Variants in CTNNBL1 observed in about 807,000 individuals in gnomAD.
CTNNBL1 encodes beta-catenin-like protein 1.
A neutral mutation model predicts 72.7 loss-of-function variants in CTNNBL1; 31 were observed. The observed-to-expected ratio is 0.43, with a 90% CI of 0.32 to 0.58. The LOEUF is 0.58. CTNNBL1 is among the 20% of genes least tolerant of loss of function. The probability of loss-of-function intolerance (pLI) is 0.08; values close to 1 mark genes in which losing one functional copy is unlikely to be tolerated. For synonymous variants in CTNNBL1, 240 were observed against 267.3 expected (o/e 0.90, Z 1.00); for missense variants, 534 against 725.1 (o/e 0.74, Z 3.03).
intron 10 of CTNNBL1, among the ~76,000 whole-genome samples, 192 bp downstream of exon 10, chr20:37,779,527 G>A (rs1381915165): frequency 1.3e-5 from 2 of 152,076 alleles, no homozygotes; most frequent in Non-Finnish European, 2.9e-5. Context: ...TAGAGTAGAT[G>A]AATAAAAAGT....
intron 7 of CTNNBL1, among the ~76,000 whole-genome samples, chr20:37,774,365 G>T (rs1027970319): frequency 4.6e-5 from 7 of 152,094 alleles, no homozygotes; most frequent in African/African-American, 1.7e-4. Flanking sequence ...TTGGGCCTTG[G>T]CATCTTTGAA....
chr20:37,697,980 C>T (rs1469157742), intron 1 of CTNNBL1, among the ~76,000 whole-genome samples: 2 of 152,128 alleles, frequency 1.3e-5, no homozygotes, highest in Admixed American at 6.5e-5. Flanking sequence ...ACCCCTTTCC[C>T]CCTCACCAAG....
chr20:37,728,972 C>T (rs1387248993), intron 1 of CTNNBL1, among the ~76,000 whole-genome samples: 3 of 152,230 alleles, frequency 2.0e-5, no homozygotes, highest in African/African-American at 7.2e-5. Flanking sequence ...CTATTTATCC[C>T]TGTGTCCCTA....
intron 15 of CTNNBL1, among the ~76,000 whole-genome samples, chr20:37,864,183 A>C: frequency 6.6e-6 from 1 of 151,068 alleles, no homozygotes; most frequent in African/African-American, 2.5e-5. Flanking sequence ...TCTCCTTTTC[A>C]TACCACGCCC....
chr20:37,757,466 A>T, intron 4 of CTNNBL1, 93 bp from the exon 5 acceptor site: 1 of 799,412 alleles, frequency 1.3e-6, no homozygotes, highest in Non-Finnish European at 2.1e-6. Flanking sequence ...AGATGGTGAT[A>T]AAGCAATTGA....
At chr20:37,718,307 C>T (rs1600441514) in intron 1 of CTNNBL1, among the ~76,000 whole-genome samples, 4 of 137,916 alleles carry the variant, frequency 2.9e-5, no homozygotes, top group Middle Eastern at 4.3e-3. Context: ...ACCTCCCTCC[C>T]GGACGGGGCG....
intron 1 of CTNNBL1, among the ~76,000 whole-genome samples, chr20:37,731,215 C>G (rs2073125024): frequency 6.6e-6 from 1 of 151,614 alleles, no homozygotes; most frequent in Admixed American, 6.6e-5. Context: ...ATCACTAAAG[C>G]TTATCTTCCT....
intron 1 of CTNNBL1, among the ~76,000 whole-genome samples, chr20:37,720,845 C>G (rs1275017909): frequency 6.6e-6 from 1 of 152,168 alleles, no homozygotes; most frequent in Non-Finnish European, 1.5e-5. Flanking sequence ...ATCCTAGGAT[C>G]CCTACTCTTG....
At chr20:37,844,051 G>A (rs2072326892) in intron 13 of CTNNBL1, among the ~76,000 whole-genome samples, 1 of 152,144 alleles carries the variant, frequency 6.6e-6, no homozygotes, top group Admixed American at 6.5e-5. Flanking sequence ...TAACTTGGAC[G>A]TGAAGGACAC....
chr20:37,705,554 G>A (rs2072878289), intron 1 of CTNNBL1, among the ~76,000 whole-genome samples: 1 of 152,096 alleles, frequency 6.6e-6, no homozygotes, highest in South Asian at 2.1e-4. Context: ...CCTGTATAAA[G>A]AAATGAGAAC....
chr20:37,837,821 A>G (rs756465387), intron 11 of CTNNBL1, among the ~76,000 whole-genome samples: 1 of 152,212 alleles, frequency 6.6e-6, no homozygotes, highest in African/African-American at 2.4e-5. Context: ...TGTGCCAGAC[A>G]TTGTTTTAGA....
At chr20:37,708,571 A>G (rs889042205) in intron 1 of CTNNBL1, among the ~76,000 whole-genome samples, 3 of 152,214 alleles carry the variant, frequency 2.0e-5, no homozygotes, top group Non-Finnish European at 4.4e-5. Flanking sequence ...GTAGTTCAGA[A>G]CTAGTTTCTT....
intron 10 of CTNNBL1, among the ~76,000 whole-genome samples, chr20:37,780,717 G>T (rs2073618373): frequency 1.3e-5 from 2 of 152,120 alleles, no homozygotes; most frequent in Admixed American, 6.5e-5. Context: ...ATGATGTTAG[G>T]ATTATCCAGG....
intron 5 of CTNNBL1, among the ~76,000 whole-genome samples, chr20:37,764,523 C>T (rs2073447128): frequency 6.6e-6 from 1 of 152,218 alleles, no homozygotes; most frequent in South Asian, 2.1e-4. Flanking sequence ...TGAACATCAG[C>T]TGTATGATGT....
At chr20:37,717,401 A>C (rs2072995834) in intron 1 of CTNNBL1, among the ~76,000 whole-genome samples, 1 of 152,230 alleles carries the variant, frequency 6.6e-6, no homozygotes, top group African/African-American at 2.4e-5. Context: ...CTCTCTTAGA[A>C]ACTTATAAAG....
chr20:37,860,233 G>T (rs771984284), intron 14 of CTNNBL1, 39 bp from the exon 15 acceptor site: 2 of 1,573,436 alleles, frequency 1.3e-6, no homozygotes, highest in East Asian at 2.2e-5. Flanking sequence ...CAGGACAAAT[G>T]GTTGTCTTTC....
chr20:37,742,651 C>A (rs1205140008), intron 3 of CTNNBL1, among the ~76,000 whole-genome samples: 1 of 152,114 alleles, frequency 6.6e-6, no homozygotes, highest in Non-Finnish European at 1.5e-5. Context: ...GCTGTGCTTA[C>A]TGTCTCTTTA....
intron 5 of CTNNBL1, among the ~76,000 whole-genome samples, chr20:37,758,898 C>T (rs1157133721): frequency 1.3e-5 from 2 of 152,136 alleles, no homozygotes; most frequent in Non-Finnish European, 2.9e-5. Context: ...CAGATGATCC[C>T]GAAACCCCAC....
chr20:37,767,703 G>A (rs1164377285), intron 6 of CTNNBL1, among the ~76,000 whole-genome samples: 2 of 152,124 alleles, frequency 1.3e-5, no homozygotes, highest in African/African-American at 4.8e-5. Flanking sequence ...TTCCCTATTA[G>A]CATGGAAAAT....
Sources: gnomAD v4.1 joint callset for allele counts (sites outside exome capture counted in the v4.1 genomes callset) on GRCh38, gnomAD v4.1.1 for gene constraint, MANE v1.5 for transcripts, NCBI Gene and HGNC (gene_info 2026-07-23, HGNC 2026-07-21) for gene names.